Variants in DAGLB observed in about 807,000 individuals in gnomAD.
The protein encoded by DAGLB is diacylglycerol lipase-beta.
A neutral mutation model predicts 72.1 loss-of-function variants in DAGLB; 66 were observed. The observed-to-expected ratio is 0.92, with a 90% confidence interval of 0.75 to 1.12. The LOEUF is 1.12. DAGLB is among the 50% of genes most tolerant of loss of function. DAGLB has a pLI of 0.00. For synonymous variants in DAGLB, 414 were observed against 359.5 expected, an observed-to-expected ratio of 1.15 and a Z score of -1.71; for missense variants, 1,065 against 884.9, an observed-to-expected ratio of 1.20 and a Z score of -2.58.
At chr7:6,444,035 G>A (rs1784918573) in intron 2 of DAGLB, among the ~76,000 whole-genome samples, 1 of 152,126 alleles carries the variant, frequency 6.6e-6, no homozygotes, top group African/African-American at 2.4e-5. Flanking sequence ...GGGAGACCGA[G>A]ACGAGAGGAT....
At position 6,432,846 on chromosome 7, in the gene DAGLB, C is replaced by A; in HGVS notation, c.792G>T (p.Gly264=). The A allele has an allele frequency of 6.2e-7, 1 of 1,613,598 alleles. No individual in the cohort carries two copies. The highest frequency in any genetic ancestry group is 2.2e-5 in the East Asian group (1 of 44,872). The change falls in exon 5 of 15, where the codon GGG becomes GGT. Residue 264 remains glycine, a synonymous_variant. Transcript: ENST00000297056. ...EPAQVVCHAP[G]SSQEADLDAE... is the part of the protein sequence containing the mutation. ...ATGAAGCCAGGCTCACCTGGGAGCT[C>A]CCTGGGGCATGGCAGACCACCTGGG... is the stretch of plus-strand genomic sequence containing the variant.
intron 11 of DAGLB, among the ~76,000 whole-genome samples, chr7:6,415,412 C>T (rs113303864): frequency 4.9e-4 from 74 of 151,802 alleles, no homozygotes; most frequent in African/African-American, 1.6e-3. Context: ...CCCAAAGGGC[C>T]GGGATTACAG....
intron 8 of DAGLB, among the ~76,000 whole-genome samples, 178 bp downstream of exon 8, chr7:6,424,574 C>CTTCA (rs901636801): frequency 6.6e-6 from 1 of 152,186 alleles, no homozygotes; most frequent in Admixed American, 6.5e-5. Context: ...GATGAAACAG[C>CTTCA]TTCATCCCTT....
chr7:6,413,100 A>G, intron 11 of DAGLB, 66 bp from the exon 12 acceptor site: 1 of 1,540,578 alleles, frequency 6.5e-7, no homozygotes, highest in Admixed American at 1.8e-5. Context: ...GCTTCCATGA[A>G]AGAAATCAGT....
chr7:6,446,187 G>A (rs1784993984), intron 1 of DAGLB, 83 bp from the exon 2 acceptor site: 2 of 1,437,904 alleles, frequency 1.4e-6, no homozygotes, highest in Middle Eastern at 2.2e-4. Context: ...AATAAAAGGG[G>A]ACAGGGCGCG....
intron 7 of DAGLB, among the ~76,000 whole-genome samples, chr7:6,425,399 C>G (rs968643072): frequency 6.6e-6 from 1 of 152,154 alleles, no homozygotes; most frequent in Non-Finnish European, 1.5e-5. Flanking sequence ...AGCCTCCCGA[C>G]CAGCAGAGAC....
chr7:6,418,118 C>G (rs913629105), intron 9 of DAGLB, among the ~76,000 whole-genome samples: 8 of 152,158 alleles, frequency 5.3e-5, no homozygotes, highest in Admixed American at 5.2e-4. Flanking sequence ...ATCCACCCGC[C>G]TCAGCCTCCC....
At chr7:6,435,978 C>A (rs1784643551) in intron 3 of DAGLB, among the ~76,000 whole-genome samples, 1 of 151,952 alleles carries the variant, frequency 6.6e-6, no homozygotes, top group African/African-American at 2.4e-5. Context: ...TTCTGGACAC[C>A]GTATCTCTTT....
intron 6 of DAGLB, among the ~76,000 whole-genome samples, chr7:6,429,985 A>C (rs1307886427): frequency 6.6e-6 from 1 of 151,624 alleles, no homozygotes; most frequent in Non-Finnish European, 1.5e-5. Flanking sequence ...CGGAGCTTGC[A>C]GTGAGCCGAG....
chr7:6,414,311 A>ATT (rs532628215), intron 11 of DAGLB, among the ~76,000 whole-genome samples: 22 of 135,822 alleles, frequency 1.6e-4, no homozygotes, highest in East Asian at 6.6e-4. Flanking sequence ...CACCCGGCCA[A>ATT]TTTTTTTTTT....
At chr7:6,430,637 ATTAAGGGAAC>A (rs1784455344) in intron 5 of DAGLB, 30 bp from the exon 6 acceptor site, 1 of 1,542,934 alleles carries the variant, frequency 6.5e-7, no homozygotes, top group African/African-American at 1.4e-5. Context: ...ACTACTGTTT[ATTAAGGGAAC>A]TCCTGACACA....
Position 6,410,391 on chromosome 7 carries a change from G to A in DAGLB, c.1570-11C>T. On this transcript the variant is annotated splice_polypyrimidine_tract_variant and intron_variant, in intron 13 of 14. Coordinates refer to ENST00000297056, the MANE Select transcript of DAGLB (RefSeq NM_139179.4). ...CAGCAAGATCTTGTACTGAGGGCGA[G>A]ACCCAATCAGTAGAATGCTGTCACT... 1.3e-6 allele frequency: 2 copies of A among 1,598,526 alleles called. No individual in the cohort carries two copies. The highest frequency in any genetic ancestry group is 8.5e-7 in the Non-Finnish European group (1 of 1,170,586).
chr7:6,421,896 AG>A, intron 8 of DAGLB, 92 bp from the exon 9 acceptor site: 1 of 1,387,822 alleles, frequency 7.2e-7, no homozygotes, highest in Non-Finnish European at 1.0e-6. Flanking sequence ...ACTTCTGTGG[AG>A]GATGGCGGGG....
chr7:6,432,700 G>A (rs1784525068), intron 5 of DAGLB, 137 bp downstream of exon 5: 2 of 1,069,758 alleles, frequency 1.9e-6, no homozygotes, highest in Non-Finnish European at 2.5e-6. Context: ...GAGGGAAGGG[G>A]AGGAGGGGGA....
At chr7:6,422,589 A>G (rs936193145) in intron 8 of DAGLB, 2 of 153,422 alleles carry the variant, frequency 1.3e-5, no homozygotes, top group African/African-American at 4.8e-5. Context: ...CTCTGCAGCA[A>G]CGGATGCAGC....
chr7:6,417,273 A>AG (rs1332955050), intron 9 of DAGLB: 5 of 180,420 alleles, frequency 2.8e-5, no homozygotes, highest in African/African-American at 1.2e-4. Flanking sequence ...AAAAAAAAAA[A>AG]AATTAACGGG....
intron 2 of DAGLB, 27 bp downstream of exon 2, chr7:6,445,926 T>C (rs369654996): frequency 1.3e-6 from 2 of 1,561,854 alleles, no homozygotes; most frequent in Non-Finnish European, 1.7e-6. Context: ...AAAAAATAGG[T>C]ATCAAATAGA....
intron 4 of DAGLB, among the ~76,000 whole-genome samples, chr7:6,434,181 G>A (rs976391316): frequency 3.3e-5 from 5 of 151,870 alleles, no homozygotes; most frequent in African/African-American, 9.7e-5. Flanking sequence ...ATCTCAGTAT[G>A]GAATTTAACA....
chr7:6,426,743 G>C (rs561470756), intron 6 of DAGLB, among the ~76,000 whole-genome samples: 1 of 152,182 alleles, frequency 6.6e-6, no homozygotes, highest in Admixed American at 6.6e-5. Context: ...CAAATGAACA[G>C]CACAGCCAAC....
Sources: allele counts gnomAD v4.1 joint callset (sites outside exome capture counted in the v4.1 genomes callset), GRCh38; gene constraint gnomAD v4.1.1; transcripts MANE v1.5; gene names NCBI Gene and HGNC (gene_info 2026-07-23, HGNC 2026-07-21).